Variants in ELMO1 observed in about 807,000 individuals in gnomAD.
The protein encoded by ELMO1 is engulfment and cell motility protein 1.
ELMO1 carries 26 observed loss-of-function variants against 98.9 expected under a neutral mutation model. The ratio of observed to expected loss-of-function variants is 0.26; its 90% confidence interval spans 0.19 to 0.36. The LOEUF is 0.36. Ranked by LOEUF, ELMO1 falls within the 10% of genes least tolerant of loss-of-function variation. ELMO1 has a pLI of 1.00. For missense variants in ELMO1, 627 were observed against 935.2 expected (o/e 0.67, Z 4.30); for synonymous variants, 346 against 346.0 (o/e 1.00, Z 0.00).
chr7:37,243,941 G>C (rs1272378926), intron 7 of ELMO1, among the ~76,000 whole-genome samples: 4 of 152,056 alleles, frequency 2.6e-5, no homozygotes, highest in African/African-American at 9.7e-5. Context: ...CTTCAATCCT[G>C]GATACTTTTA....
At chr7:37,040,531 G>A (rs954736358) in intron 15 of ELMO1, among the ~76,000 whole-genome samples, 2 of 152,270 alleles carry the variant, frequency 1.3e-5, no homozygotes, top group Admixed American at 6.5e-5. Context: ...GATGTGACAC[G>A]CAGAACTCTG....
intron 16 of ELMO1, among the ~76,000 whole-genome samples, chr7:36,896,759 G>A (rs1037267829): frequency 2.0e-5 from 3 of 152,056 alleles, no homozygotes; most frequent in African/African-American, 7.3e-5. Flanking sequence ...CTTACATCAT[G>A]TGGCATAAAT....
intron 6 of ELMO1, among the ~76,000 whole-genome samples, chr7:37,247,895 A>ATGTGTGTGTGAGTGTG (rs142333290): frequency 7.5e-5 from 11 of 146,554 alleles, no homozygotes; most frequent in African/African-American, 2.3e-4. Context: ...TTGAAATAAA[A>ATGTGTGTGTGAGTGTG]TGTGTGTGTG....
intron 16 of ELMO1, among the ~76,000 whole-genome samples, chr7:36,933,519 A>G (rs1202665990): frequency 2.0e-5 from 3 of 152,198 alleles, no homozygotes; most frequent in East Asian, 3.9e-4. Context: ...GCTCTGTGTG[A>G]AATACTCTCT....
chr7:36,964,296 A>G (rs1011837937), intron 16 of ELMO1, among the ~76,000 whole-genome samples: 2 of 152,240 alleles, frequency 1.3e-5, no homozygotes, highest in African/African-American at 4.8e-5. Context: ...ATCATAGCTT[A>G]GCATAGCCTA....
intron 15 of ELMO1, among the ~76,000 whole-genome samples, chr7:37,062,578 T>C (rs1373200572): frequency 1.3e-5 from 2 of 152,142 alleles, no homozygotes; most frequent in Non-Finnish European, 2.9e-5. Context: ...CCAACAATAA[T>C]CCATCTACAA....
intron 16 of ELMO1, among the ~76,000 whole-genome samples, chr7:36,931,867 G>A (rs531058539): frequency 6.6e-6 from 1 of 152,182 alleles, no homozygotes; most frequent in Non-Finnish European, 1.5e-5. Flanking sequence ...ATAACCATCT[G>A]TGTGTGTTAA....
At chr7:37,276,533 C>T (rs1378334133) in intron 4 of ELMO1, among the ~76,000 whole-genome samples, 2 of 152,148 alleles carry the variant, frequency 1.3e-5, no homozygotes, top group South Asian at 2.1e-4. Flanking sequence ...ATGGCGTGAA[C>T]CCGGGAGGCG....
chr7:37,408,443 A>G (rs1803865315), intron 1 of ELMO1, among the ~76,000 whole-genome samples: 2 of 152,242 alleles, frequency 1.3e-5, no homozygotes, highest in Admixed American at 1.3e-4. Context: ...ATAACCGCAG[A>G]GCAACATTGG....
chr7:37,136,192 A>C (rs755112670), intron 13 of ELMO1, among the ~76,000 whole-genome samples: 1 of 152,202 alleles, frequency 6.6e-6, no homozygotes, highest in Non-Finnish European at 1.5e-5. Context: ...GAATTTAAAA[A>C]ATGAAAAAAG....
chr7:37,393,993 C>T (rs1803187654), intron 1 of ELMO1: 1 of 152,188 alleles, frequency 6.6e-6, no homozygotes, highest in Non-Finnish European at 1.5e-5. Flanking sequence ...AAGTCCTACT[C>T]ACACAATTTT....
At chr7:37,046,941 C>A (rs987967825) in intron 15 of ELMO1, among the ~76,000 whole-genome samples, 2 of 152,168 alleles carry the variant, frequency 1.3e-5, no homozygotes, top group African/African-American at 4.8e-5. Context: ...TATGTGCTTG[C>A]TAATGAAATA....
chr7:37,316,424 C>T (rs539324639), intron 2 of ELMO1, among the ~76,000 whole-genome samples: 14 of 152,244 alleles, frequency 9.2e-5, no homozygotes, highest in South Asian at 4.1e-4. Context: ...TGAGGTGTTA[C>T]GAAATGGTTC....
At chr7:36,905,304 C>G (rs1237119136) in intron 16 of ELMO1, among the ~76,000 whole-genome samples, 1 of 152,148 alleles carries the variant, frequency 6.6e-6, no homozygotes, top group Non-Finnish European at 1.5e-5. Context: ...ATGACCCTCC[C>G]ATATGGAAGG....
rs865899430 is a variant in ELMO1 at position 36,870,234 on chromosome 7, G to A, written c.1905+159C>T. Among the ~76,000 whole-genome samples, 3 of 152,124 alleles carry A rather than the reference G, an allele frequency of 2.0e-5. No individual in the cohort carries two copies. Among genetic ancestry groups the A allele is most frequent in the South Asian group, 2.1e-4 (1 of 4,826 alleles). ...AAGAGAAAGAATAAGGGTAAGAGAC[G>A]TAAAAGGAATCGGGACAGGAAACAG... is the stretch of plus-strand genomic sequence containing the variant. On this transcript the variant is annotated intron_variant, in intron 20 of 21. Coordinates refer to ENST00000310758, the MANE Select transcript of ELMO1 (RefSeq NM_014800.11). The surrounding 1 kb of genome is among the most constrained non-coding windows in gnomAD (Gnocchi z 4.4).
chr7:37,322,317 A>C (rs1460689653), intron 2 of ELMO1, among the ~76,000 whole-genome samples: 2 of 151,808 alleles, frequency 1.3e-5, no homozygotes, highest in African/African-American at 2.4e-5. Context: ...ATCTCTACAA[A>C]AAATATAAAA....
chr7:37,153,536 C>T (rs1584728296), intron 13 of ELMO1, among the ~76,000 whole-genome samples: 1 of 152,164 alleles, frequency 6.6e-6, no homozygotes, highest in Admixed American at 6.5e-5. Context: ...GGGATGCTAG[C>T]ACAGCAATCT....
At chr7:37,155,224 C>T (rs533743064) in intron 13 of ELMO1, among the ~76,000 whole-genome samples, 6 of 152,298 alleles carry the variant, frequency 3.9e-5, no homozygotes, top group African/African-American at 1.4e-4. Flanking sequence ...GTAAAGACCA[C>T]TGATGCTAGG....
intron 13 of ELMO1, among the ~76,000 whole-genome samples, chr7:37,184,910 A>AG (rs1401694089): frequency 1.3e-5 from 2 of 152,192 alleles, no homozygotes; most frequent in African/African-American, 4.8e-5. Flanking sequence ...AAGAAAAAAA[A>AG]AAGTCCATCA....
Sources: gnomAD v4.1 joint callset for allele counts (sites outside exome capture counted in the v4.1 genomes callset) on GRCh38, gnomAD v4.1.1 for gene constraint, Gnocchi (gnomAD v3.1) non-coding constraint, MANE v1.5 for transcripts, NCBI Gene and HGNC (gene_info 2026-07-23, HGNC 2026-07-21) for gene names.